EIF4E3: variants seen among roughly 807,000 people sequenced by gnomAD.
The protein encoded by EIF4E3 is eukaryotic translation initiation factor 4E type 3.
EIF4E3 carries 26 observed loss-of-function variants against 31.7 expected under a neutral mutation model. The observed-to-expected ratio is 0.82, with a 90% CI of 0.60 to 1.14. The LOEUF (loss-of-function observed/expected upper bound fraction) is 1.14, where lower values mean the gene tolerates loss of function less well. Among genes scored for constraint, EIF4E3 ranks in the 50% most tolerant of loss-of-function variants. The probability of loss-of-function intolerance (pLI) is 0.00; values close to 1 mark genes in which losing one functional copy is unlikely to be tolerated. For missense variants in EIF4E3, 304 were observed against 270.9 expected (o/e 1.12, Z -0.86); for synonymous variants, 128 against 107.7 (o/e 1.19, Z -1.17).
chr3:71,744,494 C>G (rs1268706048), intron 1 of EIF4E3, among the ~76,000 whole-genome samples: 1 of 152,190 alleles, frequency 6.6e-6, no homozygotes, highest in African/African-American at 2.4e-5. Flanking sequence ...TGCCTGTAAT[C>G]CCAGCACTTT....
chr3:71,697,376 T>C (rs571894128), intron 3 of EIF4E3, among the ~76,000 whole-genome samples: 2 of 152,206 alleles, frequency 1.3e-5, no homozygotes, highest in Non-Finnish European at 2.9e-5. Context: ...TCAGGGTATT[T>C]AGGCTATCTA....
At chr3:71,733,418 AT>A (rs2049727832) in intron 1 of EIF4E3, among the ~76,000 whole-genome samples, 1 of 152,206 alleles carries the variant, frequency 6.6e-6, no homozygotes, top group East Asian at 1.9e-4. Context: ...TTAGGGGAAC[AT>A]TTTGTAAGCC....
intron 1 of EIF4E3, among the ~76,000 whole-genome samples, chr3:71,744,751 AT>A (rs1214593100): frequency 1.3e-5 from 2 of 152,208 alleles, no homozygotes; most frequent in African/African-American, 4.8e-5. Context: ...TCTCAAAAAA[AT>A]ATATATATTT....
intron 1 of EIF4E3, among the ~76,000 whole-genome samples, chr3:71,736,142 T>C (rs79436117): frequency 1.0e-3 from 156 of 152,282 alleles, no homozygotes; most frequent in African/African-American, 3.7e-3. Context: ...TCCCGAAACG[T>C]TGGTAACACC....
At position 71,682,965 on chromosome 3, in the gene EIF4E3, T is replaced by G. The variant is rs1034277757; in HGVS notation, c.*1717A>C. ...GTCCAGAATAATTTTTTAAAATTCT[T>G]GAGTCATAATTTTAAAACAAGTTGA... On this transcript the variant is annotated 3_prime_UTR_variant, in exon 7 of 7. Transcript: ENST00000425534. The G allele has an allele frequency of 6.6e-6, 1 of 152,274 alleles. No individual in the cohort carries two copies. Among genetic ancestry groups the G allele is most frequent in the African/African-American group, 2.4e-5 (1 of 41,456 alleles). The allele number at this position is 152,274 out of a possible 1,614,324, so 9.4% of individuals were successfully genotyped here.
intron 2 of EIF4E3, among the ~76,000 whole-genome samples, chr3:71,702,709 A>AG (rs1304352270): frequency 2.1e-5 from 3 of 142,350 alleles, no homozygotes; most frequent in African/African-American, 5.5e-5. Flanking sequence ...CGGTCACACC[A>AG]TTAAAAAAAA....
rs959846574 is a variant in EIF4E3, at chr3:71,681,168, A to G, written c.*3514T>C. ...TGACACATTTTTATTAGGTGCATGAAAACTAAATGTCTTATTGCCAAGTAT... is the reference window on the plus strand; with the variant it reads ...TGACACATTTTTATTAGGTGCATGAGAACTAAATGTCTTATTGCCAAGTAT... On this transcript the variant is annotated 3_prime_UTR_variant, in exon 7 of 7. Coordinates refer to ENST00000425534, the MANE Select transcript of EIF4E3 (RefSeq NM_001134651.2). The G allele has an allele frequency of 6.6e-6, 1 of 152,216 alleles. No homozygotes were observed. Among genetic ancestry groups the G allele is most frequent in the Non-Finnish European group, 1.5e-5 (1 of 68,024 alleles). The allele number at this position is 152,216 out of a possible 1,614,324, so 9.4% of individuals were successfully genotyped here.
chr3:71,693,866 C>T lies in EIF4E3; in HGVS notation c.472+9G>A, dbSNP rs1453874780. The stretch of plus-strand genomic sequence containing the variant: ...AGGCAGGGCCGGCCGGAGCCGTGGG[C>T]TGCTTTACCTGCTGCGGCACAGTCT... On this transcript the variant is annotated intron_variant, in intron 5 of 6. Transcript: ENST00000425534. 1.3e-6 allele frequency: 2 copies of T among 1,547,524 alleles called. No homozygotes were observed. Among genetic ancestry groups the T allele is most frequent in the Admixed American group, 2.0e-5 (1 of 50,030 alleles).
At chr3:71,705,011 CA>C (rs2049269777) in intron 2 of EIF4E3, among the ~76,000 whole-genome samples, 1 of 152,176 alleles carries the variant, frequency 6.6e-6, no homozygotes, top group African/African-American at 2.4e-5. Context: ...ATACTGGATG[CA>C]AAGTCTGTGC....
In EIF4E3 at chr3:71,744,143, TA is replaced by T. The variant is rs1343400635; in HGVS notation, c.-291+9319del. ...ATCTCTGCTCTTCAAAAGACACTAT[TA>T]AAAAAATAAAAAGACAAGCCAGAAA... On this transcript the variant is annotated intron_variant, in intron 1 of 7. Transcript: ENST00000295612. 3.1e-4 allele frequency among the ~76,000 whole-genome samples: 47 copies of T among 151,492 alleles called. 1 individual carries two copies. Among genetic ancestry groups the T allele is most frequent in the Non-Finnish European group, 1.5e-5 (1 of 67,912 alleles).
chr3:71,694,425 C>G (rs187596407), intron 4 of EIF4E3, among the ~76,000 whole-genome samples: 51 of 152,274 alleles, frequency 3.3e-4, no homozygotes, highest in Admixed American at 1.0e-3. Flanking sequence ...TTATTTAATA[C>G]TAGAGTCTTG....
chr3:71,674,572 A>G (rs2048862765), downstream of EIF4E3, among the ~76,000 whole-genome samples: 3 of 152,224 alleles, frequency 2.0e-5, no homozygotes, highest in Admixed American at 6.5e-5. Context: ...ACAATAAGGT[A>G]GAAAGATCAT....
Position 71,693,836 on chromosome 3 carries a change from A to C in EIF4E3, c.472+39T>G, listed in dbSNP as rs577962764. On this transcript the variant is annotated intron_variant, in intron 5 of 6. Coordinates refer to ENST00000425534, the MANE Select transcript of EIF4E3 (RefSeq NM_001134651.2). ...CAAGAAACAAGCACAAGCCAGGAGC[A>C]CACGAGGCAGGGCCGGCCGGAGCCG... The C allele has an allele frequency of 9.4e-6, 14 of 1,485,838 alleles. 1 individual carries two copies. The South Asian group carries it at 1.7e-4, about 18-fold the overall frequency. The allele number at this position is 1,485,838 out of a possible 1,614,324, so 92.0% of individuals were successfully genotyped here.
At chr3:71,693,791 C>A in intron 5 of EIF4E3, 84 bp downstream of exon 5, 1 of 1,243,996 alleles carries the variant, frequency 8.0e-7, no homozygotes, top group Non-Finnish European at 1.1e-6. Flanking sequence ...AAAAGTCAAA[C>A]ACGTGATAAC....
intron 1 of EIF4E3, among the ~76,000 whole-genome samples, chr3:71,751,117 C>T (rs1268141232): frequency 6.6e-6 from 1 of 151,922 alleles, no homozygotes; most frequent in Non-Finnish European, 1.5e-5. Context: ...CCTGTGGTCC[C>T]AGCTACTCAG....
At chr3:71,674,894 C>T (rs943113396), downstream of EIF4E3, among the ~76,000 whole-genome samples, 1 of 152,210 alleles carries the variant, frequency 6.6e-6, no homozygotes, top group Admixed American at 6.5e-5. Flanking sequence ...GAGGGACTTG[C>T]TCAAGGCACA....
At chr3:71,693,966 C>G in intron 4 of EIF4E3, 25 bp from the exon 5 acceptor site, 1 of 1,529,354 alleles carries the variant, frequency 6.5e-7, no homozygotes, top group Non-Finnish European at 8.8e-7. Context: ...GAATAAAAAA[C>G]AAAACAAACA....
At position 71,696,470 on chromosome 3, in the gene EIF4E3, T is replaced by A; in HGVS notation, c.395A>T (p.Lys132Met). The part of the protein sequence containing the change: ...KGGVWKMKVP[K>M]DSTSTVWKEL... ...TCAGTAGGAACCTACCGTGCTGTCC[T>A]TGGGGACTTTCATCTTCCATACGCC... is the stretch of plus-strand genomic sequence containing the variant. Residue 132 changes from lysine to methionine, a missense_variant, in exon 4 of 7, where the codon AAG (lysine) becomes ATG (methionine). Lys to Met is a moderately conservative substitution (Grantham distance 95). Transcript: ENST00000425534. 3 of 1,614,172 alleles carry A rather than the reference T, an allele frequency of 1.9e-6. No individual in the cohort carries two copies. Among genetic ancestry groups the A allele is most frequent in the Non-Finnish European group, 2.5e-6 (3 of 1,180,030 alleles).
rs1176110200 is a variant in EIF4E3, at chr3:71,684,625, T to G, written c.*57A>C. Reference sequence around the variant, plus strand: ...AGTCTTCTCTTCACTCTCCCTCCTGTTAAGACCGTTTCCAAAACCAATCAG... The same window carrying G: ...AGTCTTCTCTTCACTCTCCCTCCTGGTAAGACCGTTTCCAAAACCAATCAG... On this transcript the variant is annotated 3_prime_UTR_variant, in exon 7 of 7. Coordinates refer to ENST00000425534, the MANE Select transcript of EIF4E3 (RefSeq NM_001134651.2). The G allele has an allele frequency of 8.7e-6, 14 of 1,607,558 alleles. No homozygotes were observed. Among genetic ancestry groups the G allele is most frequent in the African/African-American group, 1.3e-5 (1 of 74,610 alleles).
Sources: allele counts gnomAD v4.1 joint callset (sites outside exome capture counted in the v4.1 genomes callset), GRCh38; gene constraint gnomAD v4.1.1; transcripts MANE v1.5; gene names NCBI Gene and HGNC (gene_info 2026-07-23, HGNC 2026-07-21).